ASPH: variants seen among roughly 807,000 people sequenced by gnomAD.
ASPH encodes the protein aspartyl/asparaginyl beta-hydroxylase.
A neutral mutation model predicts 118.4 loss-of-function variants in ASPH; 100 were observed. That is an observed-to-expected ratio of 0.84 (90% confidence interval 0.72 to 1.00). ASPH has a LOEUF of 1.00. ASPH is among the 50% of genes least tolerant of loss of function. ASPH has a pLI of 0.00. For synonymous variants in ASPH, 315 were observed against 325.6 expected (o/e 0.97, Z 0.35); for missense variants, 920 against 919.5 (o/e 1.00, Z -0.01).
intron 1 of ASPH, among the ~76,000 whole-genome samples, chr8:61,694,315 C>T (rs374644129): frequency 1.6e-4 from 25 of 152,246 alleles, no homozygotes; most frequent in African/African-American, 5.5e-4. Flanking sequence ...CCCTCCATCC[C>T]GCTGCTAGCC....
intron 24 of ASPH, among the ~76,000 whole-genome samples, chr8:61,504,422 A>G (rs976028622): frequency 6.6e-6 from 1 of 152,244 alleles, no homozygotes; most frequent in Admixed American, 6.5e-5. Context: ...TGACTATTAT[A>G]GCATGGGAAA....
At chr8:61,585,511 C>G (rs1321523306) in intron 14 of ASPH, among the ~76,000 whole-genome samples, 1 of 152,198 alleles carries the variant, frequency 6.6e-6, no homozygotes, top group Non-Finnish European at 1.5e-5. Context: ...TCTAAGGTCC[C>G]CTCTCCGCCA....
At chr8:61,533,927 C>T (rs1334462611) in intron 21 of ASPH, among the ~76,000 whole-genome samples, 2 of 152,092 alleles carry the variant, frequency 1.3e-5, no homozygotes, top group Non-Finnish European at 2.9e-5. Flanking sequence ...AATGCATGTG[C>T]TCAGTTTGTT....
rs536407171 is a variant in ASPH, at chr8:61,532,040, A to C, written c.1765-5928T>G. 2.0e-5 allele frequency among the ~76,000 whole-genome samples: 3 copies of C among 152,290 alleles called. No homozygotes were observed. In the East Asian group the frequency reaches 5.8e-4, roughly 29 times the overall value. On this transcript the variant is annotated intron_variant, in intron 21 of 24. Transcript: ENST00000379454. Reference sequence around the variant, plus strand: ...TCTTTGAGTTACTGACTTCATTTCCATTAGATATATAATTAGAGTAGGACT... The same window carrying C: ...TCTTTGAGTTACTGACTTCATTTCCCTTAGATATATAATTAGAGTAGGACT...
chr8:61,529,470 T>G (rs906341279), intron 21 of ASPH, among the ~76,000 whole-genome samples: 1 of 152,086 alleles, frequency 6.6e-6, no homozygotes, highest in Non-Finnish European at 1.5e-5. Flanking sequence ...TTAAACCTGA[T>G]GACATGTGTT....
chr8:61,712,023 C>A (rs1838172837), intron 1 of ASPH, among the ~76,000 whole-genome samples: 1 of 152,106 alleles, frequency 6.6e-6, no homozygotes, highest in Non-Finnish European at 1.5e-5. Context: ...TCAAGCATGG[C>A]AAAATGAATA....
chr8:61,600,246 A>G lies in ASPH; in HGVS notation c.977-16217T>C, dbSNP rs572994028. Among the ~76,000 whole-genome samples the G allele has an allele frequency of 4.6e-5, 7 of 152,334 alleles. No homozygotes were observed. In the East Asian group the frequency reaches 1.3e-3, roughly 29 times the overall value. On this transcript the variant is annotated intron_variant, in intron 14 of 24. Coordinates refer to ENST00000379454, the MANE Select transcript of ASPH (RefSeq NM_004318.4). ...AATATACCTCAACATAATAAAGGCCATGTATGACAAACCCACAGCTAACAT... is the reference window on the plus strand; with the variant it reads ...AATATACCTCAACATAATAAAGGCCGTGTATGACAAACCCACAGCTAACAT...
chr8:61,592,614 GA>G (rs577048116), intron 14 of ASPH, among the ~76,000 whole-genome samples: 134 of 152,286 alleles, frequency 8.8e-4, no homozygotes, highest in Middle Eastern at 3.4e-3. Context: ...CAATTTAAGG[GA>G]AGGAAAAGTA....
At chr8:61,653,692 GT>G (rs773509062) in intron 3 of ASPH, 32 bp from the exon 4 acceptor site, 8 of 1,600,764 alleles carry the variant, frequency 5.0e-6, no homozygotes, top group Non-Finnish European at 6.8e-6. Context: ...GTTAACTTGA[GT>G]TTTTGTGGGG....
intron 12 of ASPH, among the ~76,000 whole-genome samples, chr8:61,636,419 G>A (rs1202247051): frequency 6.6e-6 from 1 of 152,174 alleles, no homozygotes; most frequent in African/African-American, 2.4e-5. Flanking sequence ...TTTCTGGTCT[G>A]GGAATCCAAG....
At chr8:61,579,861 T>C (rs554485248) in intron 15 of ASPH, among the ~76,000 whole-genome samples, 16 of 146,048 alleles carry the variant, frequency 1.1e-4, no homozygotes, top group African/African-American at 3.8e-4. Context: ...AACAATTCAA[T>C]TGCTTTTTTT....
intron 14 of ASPH, among the ~76,000 whole-genome samples, chr8:61,615,171 T>C (rs755651440): frequency 6.6e-6 from 1 of 152,160 alleles, no homozygotes; most frequent in Non-Finnish European, 1.5e-5. Context: ...TCATACCTTC[T>C]TTACCAGCAA....
chr8:61,669,319 C>T (rs982612653), intron 3 of ASPH, among the ~76,000 whole-genome samples: 8 of 152,096 alleles, frequency 5.3e-5, no homozygotes, highest in South Asian at 4.1e-4. Flanking sequence ...GTCATCCATT[C>T]GAGAATGGTA....
intron 9 of ASPH, 85 bp downstream of exon 9, chr8:61,643,301 A>T: frequency 7.2e-7 from 1 of 1,385,252 alleles, no homozygotes. Context: ...GATGCCTTTA[A>T]AAGAAAAATC....
intron 13 of ASPH, 90 bp downstream of exon 13, chr8:61,633,593 C>T: frequency 3.5e-6 from 4 of 1,154,054 alleles, no homozygotes; most frequent in Non-Finnish European, 4.9e-6. Context: ...AATTTTTATC[C>T]TTCGTAGATT....
At chr8:61,547,022 C>A (rs1251889889) in intron 21 of ASPH, among the ~76,000 whole-genome samples, 1 of 152,164 alleles carries the variant, frequency 6.6e-6, no homozygotes, top group Non-Finnish European at 1.5e-5. Context: ...CAATTAGAGT[C>A]TGAGGTCAAA....
intron 16 of ASPH, 129 bp from the exon 17 acceptor site, chr8:61,567,447 C>G: frequency 1.0e-6 from 1 of 962,870 alleles, no homozygotes; most frequent in East Asian, 2.7e-5. Flanking sequence ...GCCTTTTCTC[C>G]TTATCAAGAG....
At chr8:61,697,661 G>A (rs1350154923) in intron 1 of ASPH, among the ~76,000 whole-genome samples, 1 of 152,200 alleles carries the variant, frequency 6.6e-6, no homozygotes, top group African/African-American at 2.4e-5. Context: ...TTTACTAGTT[G>A]ATTATAAAGG....
At chr8:61,525,050 C>A (rs1370205172) in intron 22 of ASPH, among the ~76,000 whole-genome samples, 2 of 152,242 alleles carry the variant, frequency 1.3e-5, no homozygotes, top group East Asian at 1.9e-4. Flanking sequence ...ATGGAAGTAT[C>A]CCTGAAAACA....
Sources: gnomAD v4.1 joint callset for allele counts (sites outside exome capture counted in the v4.1 genomes callset) on GRCh38, gnomAD v4.1.1 for gene constraint, MANE v1.5 for transcripts, NCBI Gene and HGNC (gene_info 2026-07-23, HGNC 2026-07-21) for gene names.